PHF14: variants seen among roughly 807,000 people sequenced by gnomAD.
PHF14 encodes the protein PHD finger protein 14.
A neutral mutation model predicts 117.9 loss-of-function variants in PHF14; 55 were observed. The observed-to-expected ratio is 0.47, with a 90% CI of 0.38 to 0.58. The LOEUF is 0.58. Ranked by LOEUF, PHF14 falls within the 20% of genes least tolerant of loss-of-function variation. The pLI is 0.00. For missense variants in PHF14, 978 were observed against 1,122.2 expected, an observed-to-expected ratio of 0.87 and a Z score of 1.84; for synonymous variants, 409 against 368.6, an observed-to-expected ratio of 1.11 and a Z score of -1.26.
At chr7:11,079,429 C>T (rs1302867537) in intron 16 of PHF14, among the ~76,000 whole-genome samples, 4 of 152,054 alleles carry the variant, frequency 2.6e-5, no homozygotes, top group South Asian at 4.1e-4. Context: ...AAAAGCCATT[C>T]GTAGTACCTG....
intron 4 of PHF14, among the ~76,000 whole-genome samples, chr7:11,010,588 T>A (rs1169863027): frequency 6.6e-6 from 1 of 152,060 alleles, no homozygotes; most frequent in Non-Finnish European, 1.5e-5. Context: ...TAATATTAAC[T>A]ATATTTAGCA....
At chr7:11,117,869 G>A (rs1432266845) in intron 17 of PHF14, among the ~76,000 whole-genome samples, 7 of 151,574 alleles carry the variant, frequency 4.6e-5, no homozygotes, top group East Asian at 3.9e-4. Flanking sequence ...TATAACTGAC[G>A]CATAAAAAAG....
intron 8 of PHF14, 95 bp downstream of exon 8, chr7:11,035,881 T>C (rs1784307734): frequency 1.0e-6 from 1 of 956,316 alleles, no homozygotes; most frequent in African/African-American, 1.7e-5. Flanking sequence ...TGACGTATAA[T>C]AGGAAGTTTG....
intron 16 of PHF14, among the ~76,000 whole-genome samples, chr7:11,077,593 C>T (rs1279589260): frequency 2.8e-5 from 3 of 107,174 alleles, no homozygotes; most frequent in African/African-American, 1.4e-4. Flanking sequence ...GAGCGAGACT[C>T]TGTCTTAAAA....
At chr7:11,015,480 A>G (rs1246674038) in intron 5 of PHF14, among the ~76,000 whole-genome samples, 1 of 152,174 alleles carries the variant, frequency 6.6e-6, no homozygotes, top group African/African-American at 2.4e-5. Flanking sequence ...GCATTACTCT[A>G]AGTTGGGCCT....
intron 17 of PHF14, among the ~76,000 whole-genome samples, chr7:11,149,527 G>A (rs975472540): frequency 2.0e-5 from 3 of 152,070 alleles, no homozygotes; most frequent in African/African-American, 7.2e-5. Flanking sequence ...CTAGAAATCT[G>A]TTGACAATCT....
intron 4 of PHF14, among the ~76,000 whole-genome samples, chr7:11,002,726 G>A (rs186468137): frequency 5.0e-4 from 76 of 151,810 alleles, no homozygotes; most frequent in Non-Finnish European, 7.8e-4. Context: ...TTACAGACGT[G>A]AGCCACCGCG....
chr7:11,017,909 G>C (rs750528057), intron 5 of PHF14, among the ~76,000 whole-genome samples: 1 of 152,166 alleles, frequency 6.6e-6, no homozygotes, highest in Non-Finnish European at 1.5e-5. Context: ...TTAGATTTAA[G>C]TCTTTAATCC....
At chr7:11,107,477 A>G (rs746059134) in intron 16 of PHF14, 47 of 829,258 alleles carry the variant, frequency 5.7e-5, no homozygotes, top group Non-Finnish European at 6.7e-5. Context: ...GAATCTAATT[A>G]GGTTTGCTTT....
chr7:11,140,041 C>T (rs898928038), intron 17 of PHF14, among the ~76,000 whole-genome samples: 1 of 152,040 alleles, frequency 6.6e-6, no homozygotes, highest in Non-Finnish European at 1.5e-5. Flanking sequence ...CCTGTAACAC[C>T]TTACACGTTC....
At chr7:11,163,347 A>G (rs1398577746) in intron 17 of PHF14, among the ~76,000 whole-genome samples, 1 of 152,222 alleles carries the variant, frequency 6.6e-6, no homozygotes, top group African/African-American at 2.4e-5. Flanking sequence ...TCATTTCAGT[A>G]TCTGTCATGG....
At chr7:10,975,708 A>G (rs1781839568) in intron 2 of PHF14, among the ~76,000 whole-genome samples, 1 of 152,192 alleles carries the variant, frequency 6.6e-6, no homozygotes, top group Non-Finnish European at 1.5e-5. Context: ...AATGAAAATT[A>G]TGTGTAATTC....
intron 16 of PHF14, among the ~76,000 whole-genome samples, chr7:11,082,419 CTTT>C (rs1301104550): frequency 6.6e-6 from 1 of 152,178 alleles, no homozygotes; most frequent in East Asian, 1.9e-4. Flanking sequence ...AGTCAATTCT[CTTT>C]TTGTTTGTCT....
At chr7:11,003,641 T>G (rs1250215300) in intron 4 of PHF14, among the ~76,000 whole-genome samples, 10 of 152,220 alleles carry the variant, frequency 6.6e-5, no homozygotes, top group African/African-American at 2.2e-4. Flanking sequence ...CTGCAGAAAT[T>G]ACCTATTTTT....
At chr7:11,101,153 G>A (rs971994936) in intron 16 of PHF14, among the ~76,000 whole-genome samples, 25 of 151,826 alleles carry the variant, frequency 1.6e-4, no homozygotes, top group Middle Eastern at 3.2e-3. Context: ...AGGATGTAGG[G>A]ATATTAGCAA....
chr7:11,151,646 C>T (rs1407327522), intron 17 of PHF14, among the ~76,000 whole-genome samples: 1 of 152,100 alleles, frequency 6.6e-6, no homozygotes, highest in Non-Finnish European at 1.5e-5. Flanking sequence ...TAATAGTATT[C>T]TGAGATTTTC....
intron 17 of PHF14, among the ~76,000 whole-genome samples, chr7:11,131,930 A>G (rs1788100965): frequency 6.6e-6 from 1 of 151,696 alleles, no homozygotes; most frequent in Non-Finnish European, 1.5e-5. Context: ...ATGTTACAAC[A>G]ATGGACTACT....
intron 16 of PHF14, among the ~76,000 whole-genome samples, chr7:11,097,698 C>A (rs1196126382): frequency 1.3e-5 from 2 of 152,184 alleles, no homozygotes; most frequent in African/African-American, 4.8e-5. Context: ...TGAAAGTTTG[C>A]CTTCCCTTCA....
At chr7:10,980,332 A>G (rs2128307726) in intron 2 of PHF14, among the ~76,000 whole-genome samples, 1 of 152,246 alleles carries the variant, frequency 6.6e-6, no homozygotes, top group East Asian at 1.9e-4. Flanking sequence ...TCTAGAGCCT[A>G]AGGTGTTTCA....
Sources: allele counts gnomAD v4.1 joint callset (sites outside exome capture counted in the v4.1 genomes callset), GRCh38; gene constraint gnomAD v4.1.1; transcripts MANE v1.5; gene names NCBI Gene and HGNC (gene_info 2026-07-23, HGNC 2026-07-21).